RIMS1: variants seen among roughly 807,000 people sequenced by gnomAD.
RIMS1 encodes the protein regulating synaptic membrane exocytosis 1.
RIMS1 carries 83 observed loss-of-function variants against 214.1 expected under a neutral mutation model. That is an observed-to-expected ratio of 0.39 (90% CI 0.32 to 0.47). RIMS1 has a LOEUF of 0.47. RIMS1 is among the 20% of genes least tolerant of loss of function. The pLI, the probability that RIMS1 is intolerant of heterozygous loss-of-function variation, is 0.99. For synonymous variants in RIMS1, 793 were observed against 786.8 expected, an observed-to-expected ratio of 1.01 and a Z score of -0.13; for missense variants, 2,050 against 2,161.8, an observed-to-expected ratio of 0.95 and a Z score of 1.03.
rs570668802 is a variant in RIMS1 at position 71,927,637 on chromosome 6, G to A, written c.164+40450G>A. Among the ~76,000 whole-genome samples the A allele has an allele frequency of 5.3e-5, 8 of 152,066 alleles. No individual in the cohort carries two copies. The East Asian group carries it at 5.8e-4, about 11-fold the overall frequency. On this transcript the variant is annotated intron_variant, in intron 1 of 33. Coordinates refer to ENST00000521978, the MANE Select transcript of RIMS1 (RefSeq NM_014989.7). The stretch of plus-strand genomic sequence containing the variant: ...GGGAAATATATTATTGAATTATACC[G>A]AAGATTATTGTTTAATTTCTAGGGA...
intron 2 of RIMS1, among the ~76,000 whole-genome samples, chr6:71,985,267 TGTAGTCCCAGCTACTC>T (rs1047074937): frequency 6.6e-6 from 1 of 152,092 alleles, no homozygotes; most frequent in Non-Finnish European, 1.5e-5. Flanking sequence ...GGCGTGTGCC[TGTAGTCCCAGCTACTC>T]GGGAGGCTGC....
intron 6 of RIMS1, among the ~76,000 whole-genome samples, chr6:72,220,805 C>T (rs998340456): frequency 4.6e-5 from 7 of 152,038 alleles, no homozygotes; most frequent in African/African-American, 1.7e-4. Context: ...CTAGGTTTCT[C>T]TTGACAATAG....
chr6:72,213,733 C>A (rs1049335965), intron 6 of RIMS1, among the ~76,000 whole-genome samples: 6 of 152,038 alleles, frequency 3.9e-5, no homozygotes, highest in Admixed American at 1.3e-4. Context: ...TGCGAAAGTA[C>A]CAAAACCTTT....
At chr6:72,152,751 G>T (rs9442747) in intron 4 of RIMS1, among the ~76,000 whole-genome samples, 2 of 130,238 alleles carry the variant, frequency 1.5e-5, no homozygotes, top group Admixed American at 8.6e-5. Context: ...GTATATATAT[G>T]TATATATATG....
intron 6 of RIMS1, among the ~76,000 whole-genome samples, chr6:72,219,716 A>G (rs888946954): frequency 2.6e-5 from 4 of 151,816 alleles, no homozygotes; most frequent in African/African-American, 7.3e-5. Flanking sequence ...TAGCCCTGCA[A>G]TGTTTGTGGT....
At chr6:72,178,569 A>G (rs1162604719) in intron 4 of RIMS1, among the ~76,000 whole-genome samples, 1 of 152,248 alleles carries the variant, frequency 6.6e-6, no homozygotes, top group East Asian at 1.9e-4. Flanking sequence ...TTTCTGAAGT[A>G]GAAACAAACA....
chr6:72,331,733 C>CA (rs1471139931), intron 28 of RIMS1, among the ~76,000 whole-genome samples: 1 of 151,616 alleles, frequency 6.6e-6, no homozygotes, highest in Non-Finnish European at 1.5e-5. Context: ...ATTTGTGTCT[C>CA]AAAAAATGTA....
intron 1 of RIMS1, among the ~76,000 whole-genome samples, chr6:71,924,750 T>G (rs907488930): frequency 1.5e-5 from 2 of 132,198 alleles, no homozygotes; most frequent in South Asian, 2.3e-4. Flanking sequence ...GAGGTTGCAG[T>G]GAGCCGAGAT....
intron 2 of RIMS1, among the ~76,000 whole-genome samples, chr6:71,984,824 G>A (rs1254666499): frequency 6.7e-6 from 1 of 150,072 alleles, no homozygotes; most frequent in Non-Finnish European, 1.5e-5. Flanking sequence ...TATCTATTAT[G>A]TTTGTATCTA....
chr6:72,101,855 C>T (rs1005545888), intron 4 of RIMS1, among the ~76,000 whole-genome samples: 4 of 151,846 alleles, frequency 2.6e-5, no homozygotes, highest in Non-Finnish European at 5.9e-5. Flanking sequence ...TAAATCATAT[C>T]TAATAATAAC....
intron 2 of RIMS1, among the ~76,000 whole-genome samples, chr6:72,069,942 A>G (rs1830206203): frequency 6.6e-6 from 1 of 152,214 alleles, no homozygotes; most frequent in South Asian, 2.1e-4. Context: ...AACTATATGA[A>G]TTGTTGCTCC....
At chr6:71,979,499 T>C (rs1370103229) in intron 2 of RIMS1, among the ~76,000 whole-genome samples, 2 of 152,082 alleles carry the variant, frequency 1.3e-5, no homozygotes, top group Non-Finnish European at 2.9e-5. Context: ...AAGTAGTATA[T>C]AAATATTGTC....
intron 33 of RIMS1, among the ~76,000 whole-genome samples, chr6:72,400,236 G>C (rs1195262276): frequency 6.6e-6 from 1 of 152,042 alleles, no homozygotes; most frequent in Non-Finnish European, 1.5e-5. Context: ...CTTTAACATG[G>C]CTTATGTAGC....
At chr6:71,927,779 CAT>C (rs768504441) in intron 1 of RIMS1, among the ~76,000 whole-genome samples, 18 of 151,988 alleles carry the variant, frequency 1.2e-4, no homozygotes, top group Non-Finnish European at 2.2e-4. Flanking sequence ...CCTAAAACCA[CAT>C]ATGTTAAAAT....
intron 2 of RIMS1, among the ~76,000 whole-genome samples, chr6:72,039,221 T>A (rs1338003211): frequency 6.6e-6 from 1 of 152,124 alleles, no homozygotes; most frequent in African/African-American, 2.4e-5. Context: ...TTTCAAATAA[T>A]GTTGATTGAA....
chr6:72,152,590 T>C (rs998707822), intron 4 of RIMS1, among the ~76,000 whole-genome samples: 3 of 151,970 alleles, frequency 2.0e-5, no homozygotes, highest in African/African-American at 7.2e-5. Flanking sequence ...TGCTTGTAAA[T>C]ATGTGCTTGC....
intron 2 of RIMS1, among the ~76,000 whole-genome samples, chr6:71,995,453 T>TGTGTGG (rs1803113233): frequency 7.5e-6 from 1 of 132,582 alleles, no homozygotes; most frequent in African/African-American, 3.2e-5. Context: ...TAATATGACG[T>TGTGTGG]GTGTGTGTGT....
intron 1 of RIMS1, among the ~76,000 whole-genome samples, chr6:71,916,590 G>A (rs914994805): frequency 6.6e-6 from 1 of 151,990 alleles, no homozygotes; most frequent in African/African-American, 2.4e-5. Context: ...AATTATTATT[G>A]CTCTGGATTT....
At chr6:72,307,633 G>A (rs1176053749) in intron 27 of RIMS1, among the ~76,000 whole-genome samples, 1 of 151,926 alleles carries the variant, frequency 6.6e-6, no homozygotes, top group Non-Finnish European at 1.5e-5. Flanking sequence ...TGTAATCCCA[G>A]CTACTTGGGA....
Sources: gnomAD v4.1 joint callset for allele counts (sites outside exome capture counted in the v4.1 genomes callset) on GRCh38, gnomAD v4.1.1 for gene constraint, MANE v1.5 for transcripts, NCBI Gene and HGNC (gene_info 2026-07-23, HGNC 2026-07-21) for gene names.